TBL1X: variants seen among roughly 807,000 people sequenced by gnomAD.
TBL1X encodes the protein transducin beta like 1 X-linked.
A neutral mutation model predicts 50.7 loss-of-function variants in TBL1X; 10 were observed. The observed-to-expected ratio is 0.20, with a 90% CI of 0.12 to 0.33. The LOEUF is 0.33. Among genes scored for constraint, TBL1X ranks in the 10% least tolerant of loss-of-function variants. The pLI, the probability that TBL1X is intolerant of heterozygous loss-of-function variation, is 1.00. For synonymous variants in TBL1X, 190 were observed against 214.7 expected (o/e 0.88, Z 1.01); for missense variants, 340 against 504.4 (o/e 0.67, Z 3.12).
At chrX:9,575,582 C>T (rs1258281686) in intron 2 of TBL1X, among the ~76,000 whole-genome samples, 1 of 111,649 alleles carries the variant, frequency 9.0e-6, no homozygotes, top group African/African-American at 3.3e-5. Context: ...CATCAGTTGG[C>T]GGGCGTTTGG....
intron 2 of TBL1X, among the ~76,000 whole-genome samples, chrX:9,619,953 C>A (rs1037015939): frequency 6.2e-5 from 7 of 112,403 alleles, no homozygotes; most frequent in East Asian, 2.8e-4. Flanking sequence ...TGCCATTTAT[C>A]TTTTTATTGT....
intron 5 of TBL1X, among the ~76,000 whole-genome samples, chrX:9,683,155 T>C (rs2083035937): frequency 8.9e-6 from 1 of 111,990 alleles, no homozygotes; most frequent in Non-Finnish European, 1.9e-5. Context: ...CTCTCTCTCC[T>C]TGATGAAGGG....
rs2083247744 is a variant in TBL1X, at chrX:9,711,652, G to A, written c.1481G>A (p.Arg494Gln). ...ACGGTGCGACTGTGGGACATAGAAC[G>A]AGGCGTCTGCACCCACACGCTCACG... ...DSTVRLWDIE[R>Q]GVCTHTLTKH... is the part of the protein sequence containing the mutation. Residue 494 changes from arginine (R) to glutamine (Q), a missense_variant, in exon 16 of 18, where the codon CGA becomes CAA. By Grantham distance (43) the Arg-to-Gln change is conservative (BLOSUM62 1). Around this residue, in one of 6 missense-constraint regions of TBL1X, gnomAD observed 170 missense variants for 272.6 expected, o/e 0.62. Transcript: ENST00000645353. 8.3e-7 allele frequency: 1 copy of A among 1,207,817 alleles called. No individual in the cohort carries two copies. Among genetic ancestry groups the A allele is most frequent in the South Asian group, 1.8e-5 (1 of 56,478 alleles).
intron 2 of TBL1X, among the ~76,000 whole-genome samples, chrX:9,506,629 C>A (rs759976792): frequency 1.1e-4 from 12 of 111,807 alleles, no homozygotes; most frequent in Non-Finnish European, 2.3e-4. Flanking sequence ...TACAGAAATA[C>A]AAACTACTAT....
At chrX:9,698,897 A>C (rs1257310789) in intron 12 of TBL1X, among the ~76,000 whole-genome samples, 1 of 3,084 alleles carries the variant, frequency 3.2e-4, no homozygotes, top group African/African-American at 1.6e-3. Flanking sequence ...AGGCCAGGCC[A>C]CATGCGTTAC....
chrX:9,570,678 G>GT (rs5901405), intron 2 of TBL1X, among the ~76,000 whole-genome samples: 22 of 46,273 alleles, frequency 4.8e-4, no homozygotes, highest in Admixed American at 8.6e-4. Flanking sequence ...TTTTCTTTTT[G>GT]TTTTTTTTTT....
Position 9,465,458 on chromosome X carries a change from A to G in TBL1X, c.-201+11A>G, listed in dbSNP as rs1408089829. Reference sequence around the variant, plus strand: ...GCTGCTCGCGACGAGGTGAGTGCGCAGGGCTCGGCGGGCCGGGCGCGGGGT... The same window carrying G: ...GCTGCTCGCGACGAGGTGAGTGCGCGGGGCTCGGCGGGCCGGGCGCGGGGT... On this transcript the variant is annotated intron_variant, in intron 1 of 17. Coordinates refer to ENST00000645353, the MANE Select transcript of TBL1X (RefSeq NM_005647.4). 9.0e-6 allele frequency: 1 copy of G among 111,289 alleles called. No homozygotes were observed. The highest frequency in any genetic ancestry group is 9.3e-5 in the Admixed American group (1 of 10,751). The allele number at this position is 111,289 out of a possible 1,213,427, so 9.2% of individuals were successfully genotyped here. A position where few individuals can be genotyped will look rare whatever the true frequency, so the allele number is the denominator to read the frequency against.
At chrX:9,560,254 T>C (rs2082318621) in intron 2 of TBL1X, among the ~76,000 whole-genome samples, 1 of 112,218 alleles carries the variant, frequency 8.9e-6, no homozygotes, top group African/African-American at 3.2e-5. Flanking sequence ...ACCTGCTAAC[T>C]TTGTTGGGAG....
At chrX:9,581,277 A>C (rs1458197458) in intron 2 of TBL1X, among the ~76,000 whole-genome samples, 1 of 111,869 alleles carries the variant, frequency 8.9e-6, no homozygotes, top group Non-Finnish European at 1.9e-5. Flanking sequence ...TTAAACTTGC[A>C]TGCTTCCATA....
At chrX:9,490,218 A>G (rs1448024788) in intron 1 of TBL1X, among the ~76,000 whole-genome samples, 1 of 110,678 alleles carries the variant, frequency 9.0e-6, no homozygotes, top group African/African-American at 3.3e-5. Context: ...CAGTCCTCCC[A>G]CCTCGGCCTC....
At chrX:9,600,001 A>G (rs1301886858) in intron 2 of TBL1X, among the ~76,000 whole-genome samples, 1 of 111,702 alleles carries the variant, frequency 9.0e-6, no homozygotes, top group African/African-American at 3.3e-5. Flanking sequence ...GTCAGTAGAC[A>G]CACTAAACCT....
At chrX:9,715,056 C>A (rs1447776701) in intron 17 of TBL1X, 53 bp downstream of exon 17, 1 of 1,085,514 alleles carries the variant, frequency 9.2e-7, no homozygotes, top group Non-Finnish European at 1.3e-6. Context: ...GCAGCTGATG[C>A]CTAAGTGAGC....
At chrX:9,675,654 C>T (rs1225341412) in intron 5 of TBL1X, among the ~76,000 whole-genome samples, 7 of 111,157 alleles carry the variant, frequency 6.3e-5, no homozygotes, top group Non-Finnish European at 1.1e-4. Context: ...TTTGGGAGGC[C>T]GAGGCAGGTG....
chrX:9,509,482 C>CTTTTT lies in TBL1X; in HGVS notation c.-131+7649_-131+7653dup, dbSNP rs63110360. ...GCATCATTTTGTATGTACAGAATCG[C>CTTTTT]TTTTTTTTTTTTTTTTTTTTGAGTC... On this transcript the variant is annotated intron_variant, in intron 2 of 17. Coordinates refer to ENST00000645353, the MANE Select transcript of TBL1X (RefSeq NM_005647.4). Among the ~76,000 whole-genome samples the CTTTTT allele has an allele frequency of 7.2e-4, 46 of 63,549 alleles. 2 individuals are homozygous for CTTTTT. Among genetic ancestry groups the CTTTTT allele is most frequent in the Non-Finnish European group, 1.1e-3 (40 of 36,969 alleles). The allele number at this position is 63,549 out of a possible 115,157, so 55.2% of individuals were successfully genotyped here.
chrX:9,525,713 C>T (rs946829526), intron 2 of TBL1X, among the ~76,000 whole-genome samples: 7 of 112,288 alleles, frequency 6.2e-5, no homozygotes, highest in African/African-American at 2.3e-4. Context: ...TATAAATGTG[C>T]ATTGGTATTT....
intron 2 of TBL1X, among the ~76,000 whole-genome samples, chrX:9,535,588 A>G (rs147249750): frequency 0.028 from 3,178 of 112,465 alleles, 130 homozygotes; most frequent in African/African-American, 0.099. Context: ...ATTCTATCAG[A>G]GAAGTCTTTC....
At chrX:9,589,893 A>G (rs777601655) in intron 2 of TBL1X, among the ~76,000 whole-genome samples, 1 of 111,910 alleles carries the variant, frequency 8.9e-6, no homozygotes, top group South Asian at 3.8e-4. Context: ...TAGGTGGTCA[A>G]GGTCATCATC....
chrX:9,473,269 G>A (rs2081828888), intron 1 of TBL1X, among the ~76,000 whole-genome samples: 1 of 112,390 alleles, frequency 8.9e-6, no homozygotes, highest in African/African-American at 3.2e-5. Context: ...TTGGGGAACA[G>A]AATAAACTTG....
intron 2 of TBL1X, among the ~76,000 whole-genome samples, chrX:9,625,575 A>G (rs2082688211): frequency 8.9e-6 from 1 of 112,480 alleles, no homozygotes; most frequent in Non-Finnish European, 1.9e-5. Flanking sequence ...GAGGAGAGAA[A>G]GATGGCTTAC....
Sources: gnomAD v4.1 joint callset for allele counts (sites outside exome capture counted in the v4.1 genomes callset) on GRCh38, gnomAD v4.1.1 for gene constraint, gnomAD v4.1.1 regional missense constraint, MANE v1.5 for transcripts, NCBI Gene and HGNC (gene_info 2026-07-23, HGNC 2026-07-21) for gene names.